Variants in MSN observed in about 807,000 individuals in gnomAD.
MSN encodes epididymis luminal protein 70.
In MSN, 2 loss-of-function variants were observed where a neutral mutation model predicts 48.0. The observed-to-expected ratio is 0.04, with a 90% CI of 0.02 to 0.13. The LOEUF is 0.13. Ranked by LOEUF, MSN falls within the 10% of genes least tolerant of loss-of-function variation. The probability of loss-of-function intolerance (pLI) is 1.00; values close to 1 mark genes in which losing one functional copy is unlikely to be tolerated. For missense variants in MSN, 267 were observed against 470.1 expected, an observed-to-expected ratio of 0.57 and a Z score of 3.99; for synonymous variants, 146 against 166.9, an observed-to-expected ratio of 0.87 and a Z score of 0.97.
intron 8 of MSN, among the ~76,000 whole-genome samples, 165 bp downstream of exon 8, chrX:65,735,595 G>A (rs1343147647): frequency 8.9e-6 from 1 of 112,097 alleles, no homozygotes; most frequent in Non-Finnish European, 1.9e-5. Flanking sequence ...AAGTTTGAGG[G>A]GCAGTTTTTA....
chrX:65,733,046 G>T, intron 6 of MSN, 138 bp from the exon 7 acceptor site: 1 of 449,830 alleles, frequency 2.2e-6, no homozygotes, highest in South Asian at 4.2e-5. Context: ...GTGAGACCTC[G>T]TCTCTATTTA....
chrX:65,722,710 C>T (rs915044761), intron 2 of MSN, among the ~76,000 whole-genome samples: 9 of 110,997 alleles, frequency 8.1e-5, no homozygotes, highest in African/African-American at 2.6e-4. Context: ...TGAGCCACTG[C>T]GCCCGGCCAT....
chrX:65,729,602 T>A lies in MSN; in HGVS notation c.357T>A (p.Pro119=), dbSNP rs886151880. Reference sequence around the variant, plus strand: ...TCAATGATGATATTTACTGCCCGCCTGAGACCGCTGTGCTGCTGGCCTCGT... The same window carrying A: ...TCAATGATGATATTTACTGCCCGCCAGAGACCGCTGTGCTGCTGGCCTCGT... ...GILNDDIYCP[P]ETAVLLASYA... The change falls in exon 4 of 13, where the codon CCT becomes CCA. Residue 119 remains proline, a synonymous_variant. Transcript: ENST00000360270. 2 of 1,212,013 alleles carry A rather than the reference T, an allele frequency of 1.7e-6. No homozygotes were observed. Among genetic ancestry groups the A allele is most frequent in the Admixed American group, 4.3e-5 (2 of 46,099 alleles).
At chrX:65,627,235 T>C (rs1260514032) in intron 1 of MSN, among the ~76,000 whole-genome samples, 1 of 110,703 alleles carries the variant, frequency 9.0e-6, no homozygotes, top group African/African-American at 3.3e-5. Context: ...TTATTGAGAT[T>C]TAACTGACAT....
chrX:65,658,985 C>T (rs1204618913), intron 1 of MSN, among the ~76,000 whole-genome samples: 1 of 108,606 alleles, frequency 9.2e-6, no homozygotes, highest in African/African-American at 3.4e-5. Flanking sequence ...GCTGGGATTA[C>T]AGGCATGTGC....
chrX:65,598,215 CA>C (rs1315141386), intron 1 of MSN, among the ~76,000 whole-genome samples: 1 of 107,532 alleles, frequency 9.3e-6, no homozygotes, highest in Non-Finnish European at 1.9e-5. Context: ...GGCAAAGAGA[CA>C]GAGAAAAGAA....
intron 1 of MSN, among the ~76,000 whole-genome samples, chrX:65,692,766 G>T (rs2071187519): frequency 9.0e-6 from 1 of 110,972 alleles, no homozygotes; most frequent in East Asian, 2.8e-4. Context: ...TGCAACTTCT[G>T]CCTCCCAGGT....
At position 65,740,843 on chromosome X, in the gene MSN, T is replaced by A. The variant is rs1169863962; in HGVS notation, c.*950T>A. The A allele has an allele frequency of 5.8e-6, 1 of 171,006 alleles. No homozygotes were observed. The highest frequency in any genetic ancestry group is 1.1e-5 in the Non-Finnish European group (1 of 89,484). 14.1% of individuals were successfully genotyped at this position (171,006 alleles called of 1,213,427 possible). ...GACTCTTGTGAAAAGAGAGGATATG[T>A]TCACACCTAGCGTCAGTATTTTCCC... On this transcript the variant is annotated 3_prime_UTR_variant, in exon 13 of 13. Coordinates refer to ENST00000360270, the MANE Select transcript of MSN (RefSeq NM_002444.3).
At chrX:65,665,781 G>A (rs1184699527), upstream of MSN, among the ~76,000 whole-genome samples, 2 of 111,660 alleles carry the variant, frequency 1.8e-5, no homozygotes, top group Non-Finnish European at 3.8e-5. Flanking sequence ...GAGAGGGGGA[G>A]GGAATTACCC....
chrX:65,590,248 A>T (rs1357853456), intron 1 of MSN, among the ~76,000 whole-genome samples: 1 of 111,444 alleles, frequency 9.0e-6, no homozygotes, highest in African/African-American at 3.3e-5. Context: ...GGGGCCTGGC[A>T]GAAGCACCCC....
chrX:65,636,759 A>AC (rs1176319478), intron 1 of MSN, among the ~76,000 whole-genome samples: 2 of 100,629 alleles, frequency 2.0e-5, no homozygotes, highest in Non-Finnish European at 4.0e-5. Flanking sequence ...AAAAAAAAAA[A>AC]AAAAAAAAAA....
At chrX:65,652,890 G>A (rs1323404196) in intron 1 of MSN, among the ~76,000 whole-genome samples, 2 of 111,776 alleles carry the variant, frequency 1.8e-5, no homozygotes, top group African/African-American at 6.5e-5. Context: ...TTTCATTGAG[G>A]ATATGGGAGA....
At chrX:65,707,486 C>T (rs2071373183) in intron 1 of MSN, among the ~76,000 whole-genome samples, 1 of 111,918 alleles carries the variant, frequency 8.9e-6, no homozygotes, top group Admixed American at 9.5e-5. Flanking sequence ...CATGCTGTGC[C>T]TAGATCCTCA....
At position 65,727,885 on chromosome X, in the gene MSN, C is replaced by T. The variant is rs1404680737; in HGVS notation, c.168C>T (p.Ser56=). The T allele has an allele frequency of 8.3e-7, 1 of 1,208,369 alleles. No individual in the cohort carries two copies. ...GLQYQDTKGF[S]TWLKLNKKVT... Reference sequence around the variant, plus strand: ...AGTACCAGGACACTAAAGGTTTCTCCACCTGGCTGAAACTCAATAAGAAGG... The same window carrying T: ...AGTACCAGGACACTAAAGGTTTCTCTACCTGGCTGAAACTCAATAAGAAGG... The change falls in exon 3 of 13, where the codon TCC becomes TCT. Residue 56 remains serine, a synonymous_variant. Coordinates refer to ENST00000360270, the MANE Select transcript of MSN (RefSeq NM_002444.3).
chrX:65,626,543 TG>T, intron 1 of MSN, among the ~76,000 whole-genome samples: 1 of 111,555 alleles, frequency 9.0e-6, no homozygotes, highest in South Asian at 3.7e-4. Context: ...CTGAAGTTTC[TG>T]GGTTTTTTTT....
rs778041253 is a variant in MSN at position 65,735,252 on chromosome X, C to T, written c.796-15C>T. The stretch of plus-strand genomic sequence containing the variant: ...TGTCCCTCCAAATTCTTTCTGATTG[C>T]TGATTTCCCACCAGGACTTCGTCTT... On this transcript the variant is annotated splice_polypyrimidine_tract_variant and intron_variant, in intron 7 of 12. Transcript: ENST00000360270. 5.8e-6 allele frequency: 7 copies of T among 1,206,890 alleles called. No homozygotes were observed. The highest frequency in any genetic ancestry group is 2.2e-5 in the Admixed American group (1 of 45,952).
intron 1 of MSN, chrX:65,589,144 A>C (rs5964986): frequency 8.1e-6 from 1 of 122,886 alleles, no homozygotes; most frequent in African/African-American, 3.4e-5. Context: ...TTTTCACTCC[A>C]CTCTCTATCC....
chrX:65,683,380 T>C (rs1432053367), intron 1 of MSN, among the ~76,000 whole-genome samples: 1 of 103,442 alleles, frequency 9.7e-6, no homozygotes, highest in Admixed American at 1.0e-4. Context: ...CTATTGCTAC[T>C]GTTGCCGCCG....
At chrX:65,725,191 A>T (rs1463123587) in intron 2 of MSN, among the ~76,000 whole-genome samples, 2 of 111,406 alleles carry the variant, frequency 1.8e-5, no homozygotes, top group Non-Finnish European at 3.8e-5. Context: ...TGACTGAAAC[A>T]CCTCTCATTA....
Sources: allele counts gnomAD v4.1 joint callset (sites outside exome capture counted in the v4.1 genomes callset), GRCh38; gene constraint gnomAD v4.1.1; transcripts MANE v1.5; gene names NCBI Gene and HGNC (gene_info 2026-07-23, HGNC 2026-07-21).